RGS7: variants seen among roughly 807,000 people sequenced by gnomAD.
The protein encoded by RGS7 is regulator of G protein signaling 7, also known as regulator of G-protein signaling 7.
RGS7 carries 27 observed loss-of-function variants against 81.1 expected under a neutral mutation model. The ratio of observed to expected loss-of-function variants is 0.33; its 90% CI spans 0.25 to 0.46. RGS7 has a LOEUF of 0.46. Among genes scored for constraint, RGS7 ranks in the 20% least tolerant of loss-of-function variants. The probability of loss-of-function intolerance (pLI) is 1.00; values close to 1 mark genes in which losing one functional copy is unlikely to be tolerated. For synonymous variants in RGS7, 208 were observed against 207.7 expected (o/e 1.00, Z -0.01); for missense variants, 396 against 607.4 (o/e 0.65, Z 3.66).
At chr1:240,987,262 G>T (rs923360259) in intron 3 of RGS7, among the ~76,000 whole-genome samples, 3 of 152,214 alleles carry the variant, frequency 2.0e-5, no homozygotes, top group Non-Finnish European at 4.4e-5. Flanking sequence ...CAAAACTCAA[G>T]TATTTTCATA....
intron 2 of RGS7, among the ~76,000 whole-genome samples, chr1:241,265,576 A>C (rs2077544035): frequency 2.0e-5 from 3 of 152,178 alleles, no homozygotes; most frequent in Non-Finnish European, 4.4e-5. Flanking sequence ...ACAGGGCTCC[A>C]AAGTTTACAT....
At chr1:241,126,164 T>A (rs1484643861) in intron 2 of RGS7, among the ~76,000 whole-genome samples, 3 of 151,966 alleles carry the variant, frequency 2.0e-5, no homozygotes, top group Non-Finnish European at 4.4e-5. Context: ...ATTATTATTA[T>A]TTTGAGGCAG....
chr1:240,811,946 C>T lies in RGS7; in HGVS notation c.1054G>A (p.Glu352Lys), dbSNP rs777506102. The T allele has an allele frequency of 1.2e-6, 2 of 1,613,694 alleles. No individual in the cohort carries two copies. The highest frequency in any genetic ancestry group is 1.7e-5 in the Admixed American group (1 of 60,016). The part of the protein sequence containing the change: ...VGREQFLKFL[E>K]SEFSSENLRF... ...AAATTTTCCGAGCTGAATTCTGACT[C>T]TAGAAATTTAAGGAACTGTTCTCTC... Residue 352 changes from glutamate (E) to lysine (K), a missense_variant, in exon 14 of 19, where the codon GAG becomes AAG. Coordinates refer to ENST00000440928, the MANE Select transcript of RGS7 (RefSeq NM_001364886.1).
Position 240,776,222 on chromosome 1 carries a change from A to G in RGS7, c.*7-9T>C, listed in dbSNP as rs772341812. 17 of 1,601,932 alleles carry G rather than the reference A, an allele frequency of 1.1e-5. No individual in the cohort carries two copies. The African/African-American group carries it at 1.6e-4, about 15-fold the overall frequency. ...GACGTGAGAGATTTCCCCTGAGAAA[A>G]TATATAAAACAAGAGAAAAGAAAGA... On this transcript the variant is annotated splice_polypyrimidine_tract_variant and intron_variant, in intron 18 of 18. Coordinates refer to ENST00000440928, the MANE Select transcript of RGS7 (RefSeq NM_001364886.1).
At chr1:240,864,011 T>A (rs12062650) in intron 9 of RGS7, among the ~76,000 whole-genome samples, 6 of 152,116 alleles carry the variant, frequency 3.9e-5, no homozygotes, top group African/African-American at 1.4e-4. Context: ...GGCCTGGCTC[T>A]CCCACCGCTA....
At chr1:240,814,671 T>C (rs200801431) in intron 12 of RGS7, 45 bp downstream of exon 12, 214 of 1,156,934 alleles carry the variant, frequency 1.8e-4, no homozygotes, top group Middle Eastern at 1.1e-3. Context: ...CATGTAATTG[T>C]CATATGAAAT....
chr1:240,867,874 T>C (rs1663601145), intron 9 of RGS7, among the ~76,000 whole-genome samples: 1 of 151,798 alleles, frequency 6.6e-6, no homozygotes, highest in Non-Finnish European at 1.5e-5. Context: ...TGGTGGCACA[T>C]GCCTGTTGTC....
intron 14 of RGS7, among the ~76,000 whole-genome samples, chr1:240,811,096 TA>T (rs1382191937): frequency 6.6e-6 from 1 of 152,114 alleles, no homozygotes; most frequent in Non-Finnish European, 1.5e-5. Flanking sequence ...CCAATGAAAA[TA>T]AATGAATGCA....
At chr1:241,353,330 G>A (rs1026696249) in intron 2 of RGS7, among the ~76,000 whole-genome samples, 1 of 152,150 alleles carries the variant, frequency 6.6e-6, no homozygotes, top group Non-Finnish European at 1.5e-5. Context: ...GCCCATATAA[G>A]ATAGAAAAAA....
intron 2 of RGS7, among the ~76,000 whole-genome samples, chr1:241,106,373 A>G (rs929225257): frequency 2.6e-5 from 4 of 152,180 alleles, no homozygotes; most frequent in African/African-American, 9.7e-5. Context: ...ATCTTATTGC[A>G]TGTAAATCTG....
At chr1:240,980,798 C>T (rs1489147117) in intron 4 of RGS7, among the ~76,000 whole-genome samples, 1 of 152,120 alleles carries the variant, frequency 6.6e-6, no homozygotes, top group African/African-American at 2.4e-5. Context: ...TGAATTACTT[C>T]ATTCAAAAAA....
intron 2 of RGS7, among the ~76,000 whole-genome samples, chr1:241,236,623 A>C (rs1211945731): frequency 6.6e-6 from 1 of 152,222 alleles, no homozygotes; most frequent in Non-Finnish European, 1.5e-5. Flanking sequence ...AACTTGTGCT[A>C]AGCATGGTTT....
chr1:241,279,374 G>A (rs2078381876), intron 2 of RGS7, among the ~76,000 whole-genome samples: 1 of 152,130 alleles, frequency 6.6e-6, no homozygotes, highest in Non-Finnish European at 1.5e-5. Flanking sequence ...CGTATTTTGT[G>A]TAAACATGCT....
chr1:240,851,769 G>A (rs1436704641), intron 9 of RGS7, among the ~76,000 whole-genome samples: 2 of 152,142 alleles, frequency 1.3e-5, no homozygotes, highest in Non-Finnish European at 2.9e-5. Flanking sequence ...AGGGATTCAA[G>A]AGTTTGGAAG....
chr1:240,874,973 CG>C (rs1665126852), intron 6 of RGS7, among the ~76,000 whole-genome samples: 1 of 151,396 alleles, frequency 6.6e-6, no homozygotes, highest in African/African-American at 2.4e-5. Flanking sequence ...ACCCGGGAGG[CG>C]GGGGTTGCAG....
At chr1:241,067,357 A>G (rs763278227) in intron 3 of RGS7, among the ~76,000 whole-genome samples, 2 of 151,760 alleles carry the variant, frequency 1.3e-5, no homozygotes, top group South Asian at 2.1e-4. Context: ...TCTGTATTCC[A>G]TGATCCTAGC....
intron 2 of RGS7, among the ~76,000 whole-genome samples, chr1:241,131,931 C>T (rs2067128389): frequency 1.3e-5 from 2 of 152,130 alleles, no homozygotes; most frequent in Admixed American, 1.3e-4. Flanking sequence ...ATTACACATC[C>T]CGTTAAGAAG....
chr1:241,145,581 G>A (rs1187542975), intron 2 of RGS7, among the ~76,000 whole-genome samples: 1 of 152,130 alleles, frequency 6.6e-6, no homozygotes, highest in Non-Finnish European at 1.5e-5. Context: ...CCTGAGGTCA[G>A]GATTTCAAAG....
chr1:240,905,584 C>T (rs1670691673), intron 6 of RGS7, among the ~76,000 whole-genome samples: 1 of 152,102 alleles, frequency 6.6e-6, no homozygotes, highest in South Asian at 2.1e-4. Flanking sequence ...GATATGAAGC[C>T]CAGTTAGTCT....
Sources: gnomAD v4.1 joint callset for allele counts (sites outside exome capture counted in the v4.1 genomes callset) on GRCh38, gnomAD v4.1.1 for gene constraint, MANE v1.5 for transcripts, NCBI Gene and HGNC (gene_info 2026-07-23, HGNC 2026-07-21) for gene names.